Variants in PEPD observed in about 807,000 individuals in gnomAD.
PEPD encodes peptidase D.
Under a neutral mutation model 60.7 loss-of-function variants are expected in PEPD, and 53 were observed. The ratio of observed to expected loss-of-function variants is 0.87; its 90% CI spans 0.70 to 1.10. The LOEUF (loss-of-function observed/expected upper bound fraction) is 1.10, where lower values mean the gene tolerates loss of function less well. PEPD is among the 50% of genes least tolerant of loss of function. The pLI, the probability that PEPD is intolerant of heterozygous loss-of-function variation, is 0.00. For missense variants in PEPD, 711 were observed against 711.9 expected (o/e 1.00, Z 0.01); for synonymous variants, 267 against 284.1 (o/e 0.94, Z 0.60).
At chr19:33,478,909 C>G (rs7247929) in intron 6 of PEPD, among the ~76,000 whole-genome samples, 15 of 152,068 alleles carry the variant, frequency 9.9e-5, no homozygotes, top group Admixed American at 9.8e-4. Context: ...GGTAACCATA[C>G]AGATAAATAT....
intron 9 of PEPD, among the ~76,000 whole-genome samples, chr19:33,419,886 G>A (rs759496871): frequency 6.6e-6 from 1 of 152,094 alleles, no homozygotes; most frequent in Non-Finnish European, 1.5e-5. Flanking sequence ...CTGAGGCCCC[G>A]CCCAGAAGGG....
chr19:33,492,043 CAAAAAAAAA>C (rs757173823), intron 5 of PEPD, among the ~76,000 whole-genome samples: 6 of 81,560 alleles, frequency 7.4e-5, no homozygotes, highest in Non-Finnish European at 1.0e-4. Flanking sequence ...TATTCCATTT[CAAAAAAAAA>C]AAAAAAAAAA....
rs541363146 is a variant in PEPD, at chr19:33,502,564, G to A, written c.330-1563C>T. Reference sequence around the variant, plus strand: ...TGGGAAATTGAAAGTACCTCTGATTGCAAGTAGAGTCTTGGTTTGCAAAGA... The same window carrying A: ...TGGGAAATTGAAAGTACCTCTGATTACAAGTAGAGTCTTGGTTTGCAAAGA... On this transcript the variant is annotated intron_variant, in intron 3 of 14. Coordinates refer to ENST00000244137, the MANE Select transcript of PEPD (RefSeq NM_000285.4). Among the ~76,000 whole-genome samples, 516 of 152,224 alleles carry A rather than the reference G, an allele frequency of 3.4e-3. 2 individuals are homozygous for A. The highest frequency in any genetic ancestry group is 5.6e-3 in the Admixed American group (86 of 15,294).
At chr19:33,433,333 AG>A (rs1355847904) in intron 9 of PEPD, among the ~76,000 whole-genome samples, 1 of 152,226 alleles carries the variant, frequency 6.6e-6, no homozygotes, top group Non-Finnish European at 1.5e-5. Context: ...CTCCCTGCCA[AG>A]GGGGCACGCC....
chr19:33,489,927 G>A (rs900357207), intron 6 of PEPD, 69 bp downstream of exon 6: 14 of 892,418 alleles, frequency 1.6e-5, no homozygotes, highest in Non-Finnish European at 2.6e-5. Flanking sequence ...TGTAGACCGG[G>A]AAAGACCTGC....
chr19:33,440,686 T>C (rs530859976), intron 9 of PEPD, among the ~76,000 whole-genome samples: 5 of 152,332 alleles, frequency 3.3e-5, no homozygotes, highest in South Asian at 2.1e-4. Context: ...GGACTCCCTC[T>C]ACTGCCGTCC....
intron 9 of PEPD, among the ~76,000 whole-genome samples, chr19:33,445,775 C>T (rs1042191177): frequency 6.6e-6 from 1 of 152,200 alleles, no homozygotes; most frequent in Non-Finnish European, 1.5e-5. Context: ...TGTGAACCAC[C>T]AGGGCCTGCA....
At chr19:33,465,256 T>C (rs1342177926) in intron 7 of PEPD, among the ~76,000 whole-genome samples, 2 of 152,262 alleles carry the variant, frequency 1.3e-5, no homozygotes, top group African/African-American at 2.4e-5. Context: ...TGTCCTTAGG[T>C]AGGACATCTT....
chr19:33,444,573 C>T (rs1019558099), intron 9 of PEPD, among the ~76,000 whole-genome samples: 46 of 149,112 alleles, frequency 3.1e-4, no homozygotes, highest in South Asian at 7.0e-4. Flanking sequence ...CAGGTGAGCG[C>T]TCTCAGCTTC....
At chr19:33,475,153 C>G (rs964966619) in intron 7 of PEPD, among the ~76,000 whole-genome samples, 3 of 152,068 alleles carry the variant, frequency 2.0e-5, no homozygotes, top group Admixed American at 2.0e-4. Flanking sequence ...TCAGAAAAGT[C>G]AAGTGACTTC....
At chr19:33,470,141 T>C (rs1203521528) in intron 7 of PEPD, among the ~76,000 whole-genome samples, 3 of 150,946 alleles carry the variant, frequency 2.0e-5, no homozygotes, top group Non-Finnish European at 2.9e-5. Context: ...GGGCTGCCAC[T>C]CCCCCTCCAC....
chr19:33,389,073 CTGTT>C (rs1379845656), intron 13 of PEPD: 5 of 152,416 alleles, frequency 3.3e-5, no homozygotes, highest in African/African-American at 7.2e-5. Context: ...TCATTTCTGA[CTGTT>C]TGGGGGCCAA....
chr19:33,500,835 C>CAT, intron 4 of PEPD, 103 bp downstream of exon 4: 1 of 790,090 alleles, frequency 1.3e-6, no homozygotes, highest in Non-Finnish European at 2.3e-6. Flanking sequence ...GTGGTAGTGT[C>CAT]CCTGACATCC....
chr19:33,499,539 G>A (rs1157478681), intron 4 of PEPD, among the ~76,000 whole-genome samples: 1 of 151,940 alleles, frequency 6.6e-6, no homozygotes, highest in Non-Finnish European at 1.5e-5. Context: ...GGAACGTCTG[G>A]GGAAAAAGAA....
intron 9 of PEPD, among the ~76,000 whole-genome samples, chr19:33,440,904 T>C (rs537472548): frequency 1.3e-5 from 2 of 152,076 alleles, no homozygotes; most frequent in Non-Finnish European, 2.9e-5. Flanking sequence ...TGACGAACAC[T>C]CACCAGCCAG....
At chr19:33,458,644 G>T (rs61699726) in intron 9 of PEPD, among the ~76,000 whole-genome samples, 55,331 of 142,890 alleles carry the variant, frequency 0.39, 11,193 homozygotes, top group African/African-American at 0.52. Context: ...CGTGTGTGTT[G>T]TGTGTGGTAT....
At chr19:33,398,198 G>A (rs529990500) in intron 12 of PEPD, among the ~76,000 whole-genome samples, 2 of 152,254 alleles carry the variant, frequency 1.3e-5, no homozygotes, top group South Asian at 4.1e-4. Flanking sequence ...ACTGCCTGCT[G>A]ACCAAGCTGA....
chr19:33,476,929 C>T (rs1970227819), intron 7 of PEPD, among the ~76,000 whole-genome samples: 2 of 152,188 alleles, frequency 1.3e-5, no homozygotes, highest in African/African-American at 2.4e-5. Flanking sequence ...TCCCAAAGTG[C>T]TGGGATTATA....
chr19:33,392,649 C>G (rs181321179), intron 12 of PEPD, among the ~76,000 whole-genome samples: 1 of 152,354 alleles, frequency 6.6e-6, no homozygotes, highest in East Asian at 1.9e-4. Flanking sequence ...GGCGGAGTGA[C>G]CTTGGCTCCC....
Sources: allele counts gnomAD v4.1 joint callset (sites outside exome capture counted in the v4.1 genomes callset), GRCh38; gene constraint gnomAD v4.1.1; transcripts MANE v1.5; gene names NCBI Gene and HGNC (gene_info 2026-07-23, HGNC 2026-07-21).